PTPRK: variants seen among roughly 807,000 people sequenced by gnomAD.
The protein encoded by PTPRK is protein tyrosine phosphatase receptor type K, also known as receptor-type tyrosine-protein phosphatase kappa.
PTPRK carries 75 observed loss-of-function variants against 178.0 expected under a neutral mutation model. The observed-to-expected ratio is 0.42, with a 90% CI of 0.35 to 0.51. PTPRK has a LOEUF of 0.51. Among genes scored for constraint, PTPRK ranks in the 20% least tolerant of loss-of-function variants. The probability of loss-of-function intolerance (pLI) is 0.02; values close to 1 mark genes in which losing one functional copy is unlikely to be tolerated. For missense variants in PTPRK, 1,441 were observed against 1,797.8 expected, an observed-to-expected ratio of 0.80 and a Z score of 3.59; for synonymous variants, 637 against 620.6, an observed-to-expected ratio of 1.03 and a Z score of -0.39.
intron 1 of PTPRK, among the ~76,000 whole-genome samples, chr6:128,509,981 T>G (rs1856932139): frequency 6.6e-6 from 1 of 152,146 alleles, no homozygotes; most frequent in African/African-American, 2.4e-5. Context: ...TAGGGCAAAT[T>G]ATTACAAACT....
chr6:128,065,094 C>T (rs1005591484), intron 12 of PTPRK, among the ~76,000 whole-genome samples: 5 of 152,052 alleles, frequency 3.3e-5, no homozygotes, highest in African/African-American at 9.7e-5. Flanking sequence ...TATAGTGCTT[C>T]GTAAACTATC....
intron 1 of PTPRK, among the ~76,000 whole-genome samples, chr6:128,465,616 T>C (rs1471638023): frequency 1.3e-5 from 2 of 152,148 alleles, no homozygotes; most frequent in Non-Finnish European, 2.9e-5. Flanking sequence ...AAAATGAAAA[T>C]GCAGGCCTTT....
intron 2 of PTPRK, among the ~76,000 whole-genome samples, chr6:128,343,631 A>C (rs1298282303): frequency 6.6e-6 from 1 of 152,242 alleles, no homozygotes; most frequent in African/African-American, 2.4e-5. Context: ...TAAATAAAAA[A>C]AATTCTTAAA....
chr6:128,059,515 C>T (rs1780467652), intron 13 of PTPRK, among the ~76,000 whole-genome samples: 1 of 152,026 alleles, frequency 6.6e-6, no homozygotes, highest in Non-Finnish European at 1.5e-5. Flanking sequence ...TAAGTTAGTT[C>T]CCTTAGGTTG....
intron 6 of PTPRK, among the ~76,000 whole-genome samples, chr6:128,198,771 A>C (rs1805378651): frequency 6.6e-6 from 1 of 152,166 alleles, no homozygotes; most frequent in Non-Finnish European, 1.5e-5. Flanking sequence ...GCCTGAAATA[A>C]ACGCACTTTT....
intron 13 of PTPRK, among the ~76,000 whole-genome samples, chr6:128,034,321 A>C (rs866303234): frequency 6.6e-6 from 1 of 152,214 alleles, no homozygotes; most frequent in Non-Finnish European, 1.5e-5. Context: ...AAAAGCTATA[A>C]GATGTATTCA....
At chr6:128,075,373 TCC>T (rs201709723) in intron 11 of PTPRK, among the ~76,000 whole-genome samples, 1 of 76,582 alleles carries the variant, frequency 1.3e-5, no homozygotes, top group East Asian at 1.7e-3. Flanking sequence ...CTCCCTTTGC[TCC>T]CTGTTTTGTC....
At chr6:128,471,989 A>G (rs1411857422) in intron 1 of PTPRK, among the ~76,000 whole-genome samples, 1 of 152,092 alleles carries the variant, frequency 6.6e-6, no homozygotes, top group African/African-American at 2.4e-5. Flanking sequence ...TTGCAGAAAC[A>G]AAAGAGAGAG....
intron 6 of PTPRK, among the ~76,000 whole-genome samples, chr6:128,211,937 A>AT (rs936932041): frequency 6.6e-6 from 1 of 151,914 alleles, no homozygotes; most frequent in African/African-American, 2.4e-5. Context: ...GCCCTCACTG[A>AT]TTGATTCCAA....
At chr6:128,327,322 C>T (rs1829713457) in intron 2 of PTPRK, among the ~76,000 whole-genome samples, 1 of 152,146 alleles carries the variant, frequency 6.6e-6, no homozygotes, top group African/African-American at 2.4e-5. Context: ...CTTTAGTACA[C>T]TAACATAATA....
intron 7 of PTPRK, among the ~76,000 whole-genome samples, chr6:128,117,152 AAAAAATAAAAAAT>A (rs1244399402): frequency 7.9e-5 from 12 of 152,112 alleles, no homozygotes; most frequent in African/African-American, 1.7e-4. Context: ...TCAAAAAAAT[AAAAAATAAAAAAT>A]AAAAATAAAA....
At position 128,421,042 on chromosome 6, in the gene PTPRK, A is replaced by T. The variant is rs577863867; in HGVS notation, c.101-23354T>A. On this transcript the variant is annotated intron_variant, in intron 1 of 29. Transcript: ENST00000368226. The stretch of plus-strand genomic sequence containing the variant: ...TATCATCTTTCCTACATTAGCTTCT[A>T]GTTGCTTATAAAAAACACAATCATT... 1.5e-4 allele frequency among the ~76,000 whole-genome samples: 23 copies of T among 152,288 alleles called. No individual in the cohort carries two copies. In the South Asian group the frequency reaches 4.1e-3, roughly 27 times the overall value.
intron 3 of PTPRK, among the ~76,000 whole-genome samples, chr6:128,307,172 T>C (rs1203449071): frequency 6.7e-6 from 1 of 149,014 alleles, no homozygotes; most frequent in Non-Finnish European, 1.5e-5. Flanking sequence ...TATATATATA[T>C]ATATATGGAT....
chr6:128,425,428 C>T (rs2128389822), intron 1 of PTPRK, among the ~76,000 whole-genome samples: 1 of 152,092 alleles, frequency 6.6e-6, no homozygotes, highest in Admixed American at 6.6e-5. Flanking sequence ...TCCCCGAGTC[C>T]CCAAAGGCTA....
intron 29 of PTPRK, among the ~76,000 whole-genome samples, chr6:127,971,695 C>T (rs1368557616): frequency 2.6e-5 from 4 of 151,722 alleles, no homozygotes; most frequent in Admixed American, 2.6e-4. Flanking sequence ...TGGAAGGTCC[C>T]AGAATGGCAC....
At chr6:128,384,663 A>G (rs958328109) in intron 2 of PTPRK, among the ~76,000 whole-genome samples, 1 of 152,256 alleles carries the variant, frequency 6.6e-6, no homozygotes, top group Non-Finnish European at 1.5e-5. Flanking sequence ...TAGAGTAACT[A>G]CAAATGGAAT....
At chr6:128,381,922 A>T (rs930756866) in intron 2 of PTPRK, among the ~76,000 whole-genome samples, 1 of 152,064 alleles carries the variant, frequency 6.6e-6, no homozygotes, top group South Asian at 2.1e-4. Context: ...ATGGTGGCTC[A>T]TGCCTGTAAT....
intron 11 of PTPRK, among the ~76,000 whole-genome samples, chr6:128,072,697 A>G (rs1693741621): frequency 1.3e-5 from 2 of 152,016 alleles, no homozygotes; most frequent in Admixed American, 1.3e-4. Context: ...AATATACTAA[A>G]CATACAGTCA....
chr6:128,034,403 G>C (rs1261167032), intron 13 of PTPRK, among the ~76,000 whole-genome samples: 1 of 152,142 alleles, frequency 6.6e-6, no homozygotes, highest in African/African-American at 2.4e-5. Flanking sequence ...CTTTGCTAAG[G>C]AAAAAGAATC....
Sources: allele counts gnomAD v4.1 joint callset (sites outside exome capture counted in the v4.1 genomes callset), GRCh38; gene constraint gnomAD v4.1.1; transcripts MANE v1.5; gene names NCBI Gene and HGNC (gene_info 2026-07-23, HGNC 2026-07-21).